The following BANK1 variants were observed in gnomAD, a reference collection of about 807,000 sequenced individuals.
BANK1 encodes the protein B cell scaffold protein with ankyrin repeats 1.
A neutral mutation model predicts 94.5 loss-of-function variants in BANK1; 95 were observed. That is an observed-to-expected ratio of 1.00 (90% CI 0.85 to 1.19). The LOEUF (loss-of-function observed/expected upper bound fraction) is 1.19, where lower values mean the gene tolerates loss of function less well. Among genes scored for constraint, BANK1 ranks in the 50% most tolerant of loss-of-function variants. The pLI, the probability that BANK1 is intolerant of heterozygous loss-of-function variation, is 0.00. For synonymous variants in BANK1, 334 were observed against 308.4 expected, an observed-to-expected ratio of 1.08 and a Z score of -0.87; for missense variants, 987 against 932.2, an observed-to-expected ratio of 1.06 and a Z score of -0.77.
At chr4:101,791,565 A>T (rs1282963070) in intron 1 of BANK1, among the ~76,000 whole-genome samples, 1 of 152,208 alleles carries the variant, frequency 6.6e-6, no homozygotes, top group East Asian at 1.9e-4. Flanking sequence ...AGGCAGTTTT[A>T]TTTAGTTCTT....
chr4:102,044,946 G>A (rs1727829464), intron 11 of BANK1, among the ~76,000 whole-genome samples: 1 of 140,500 alleles, frequency 7.1e-6, no homozygotes, highest in Non-Finnish European at 1.5e-5. Context: ...TTTGTCAGAT[G>A]AGTAGGTTGC....
chr4:101,884,624 C>A (rs950303435), intron 5 of BANK1, among the ~76,000 whole-genome samples: 1 of 152,146 alleles, frequency 6.6e-6, no homozygotes, highest in Admixed American at 6.5e-5. Flanking sequence ...TCAGGAAATG[C>A]ATCTTCATCA....
intron 2 of BANK1, among the ~76,000 whole-genome samples, chr4:101,846,240 C>A (rs1356172844): frequency 2.0e-5 from 3 of 152,204 alleles, no homozygotes; most frequent in African/African-American, 7.2e-5. Flanking sequence ...GAATACTATG[C>A]AGCCATACAA....
intron 5 of BANK1, among the ~76,000 whole-genome samples, chr4:101,882,955 C>G (rs1728732349): frequency 6.6e-6 from 1 of 152,100 alleles, no homozygotes; most frequent in African/African-American, 2.4e-5. Context: ...TTCCATATTC[C>G]TGATGGAAGG....
At chr4:101,985,281 G>C (rs1050188997) in intron 7 of BANK1, among the ~76,000 whole-genome samples, 13 of 152,114 alleles carry the variant, frequency 8.5e-5, no homozygotes, top group Admixed American at 1.3e-4. Flanking sequence ...CAACAGATTG[G>C]ATGTGGTTCA....
rs1027094634 is a variant in BANK1, at chr4:101,989,871, A to G, written c.1207-31643A>G. 3.9e-5 allele frequency among the ~76,000 whole-genome samples: 6 copies of G among 152,174 alleles called. No individual in the cohort carries two copies. The South Asian group carries it at 8.3e-4, about 21-fold the overall frequency. On this transcript the variant is annotated intron_variant, in intron 7 of 16. Coordinates refer to ENST00000322953, the MANE Select transcript of BANK1 (RefSeq NM_017935.5). ...GTTGATGTGAACTTTGATCACTAAA[A>G]CAACACACTGTCTTCTAGATTTCTC...
intron 7 of BANK1, among the ~76,000 whole-genome samples, chr4:101,980,291 G>A (rs1320573760): frequency 6.6e-6 from 1 of 151,678 alleles, no homozygotes; most frequent in Admixed American, 6.6e-5. Flanking sequence ...TATCCATTTT[G>A]AATTTATCTT....
At chr4:101,997,280 C>T (rs1346420278) in intron 7 of BANK1, among the ~76,000 whole-genome samples, 5 of 152,084 alleles carry the variant, frequency 3.3e-5, no homozygotes, top group African/African-American at 4.8e-5. Flanking sequence ...GTGACGAAGC[C>T]GACTTGTTCG....
chr4:101,881,608 C>T (rs535664767), intron 5 of BANK1, among the ~76,000 whole-genome samples: 16 of 152,126 alleles, frequency 1.1e-4, no homozygotes, highest in South Asian at 4.1e-4. Flanking sequence ...AAAGAGATAT[C>T]TGCACTCCCA....
chr4:101,937,710 G>A (rs1280189665), intron 7 of BANK1, among the ~76,000 whole-genome samples: 1 of 151,708 alleles, frequency 6.6e-6, no homozygotes, highest in Non-Finnish European at 1.5e-5. Flanking sequence ...GACCAGAAAT[G>A]CCATTTGACC....
intron 7 of BANK1, among the ~76,000 whole-genome samples, chr4:101,921,539 C>G (rs1445446180): frequency 1.3e-5 from 2 of 151,874 alleles, no homozygotes; most frequent in African/African-American, 2.4e-5. Context: ...TTTAAGCAAA[C>G]AGATATAAAT....
chr4:101,970,863 C>T (rs978166965), intron 7 of BANK1, among the ~76,000 whole-genome samples: 8 of 152,040 alleles, frequency 5.3e-5, no homozygotes, highest in African/African-American at 1.9e-4. Flanking sequence ...ACATGATTTC[C>T]TTAGGATTTC....
At chr4:102,052,113 CTTTTTTTTTTT>C (rs199811166) in intron 11 of BANK1, among the ~76,000 whole-genome samples, 15 of 103,992 alleles carry the variant, frequency 1.4e-4, no homozygotes, top group Admixed American at 7.6e-4. Flanking sequence ...TTCTTTTTTT[CTTTTTTTTTTT>C]TTTTTTTTTT....
At chr4:101,902,631 G>T (rs577709945) in intron 6 of BANK1, among the ~76,000 whole-genome samples, 17 of 152,164 alleles carry the variant, frequency 1.1e-4, no homozygotes, top group Non-Finnish European at 2.2e-4. Flanking sequence ...TTTTATAATT[G>T]TCCATTTATA....
chr4:101,990,869 C>T (rs948754786), intron 7 of BANK1, among the ~76,000 whole-genome samples: 4 of 152,112 alleles, frequency 2.6e-5, no homozygotes, highest in South Asian at 4.2e-4. Flanking sequence ...GTATTTAACT[C>T]ATACCGTTTT....
At position 102,069,543 on chromosome 4, in the gene BANK1, T is replaced by G. The variant is rs554307837; in HGVS notation, c.2213-1732T>G. Among the ~76,000 whole-genome samples the G allele has an allele frequency of 2.6e-5, 4 of 152,344 alleles. No homozygotes were observed. The East Asian group carries it at 7.7e-4, about 29-fold the overall frequency. On this transcript the variant is annotated intron_variant, in intron 13 of 16. Coordinates refer to ENST00000322953, the MANE Select transcript of BANK1 (RefSeq NM_017935.5). Reference sequence around the variant, plus strand: ...GGAATATAAAGTGGAGTGATAACTGTGGAGAAGTCAAATATGCACTTACCA... The same window carrying G: ...GGAATATAAAGTGGAGTGATAACTGGGGAGAAGTCAAATATGCACTTACCA...
In BANK1 at chr4:101,950,058, T is replaced by TGC. The variant is rs1331973850; in HGVS notation, c.1206+31870_1206+31871insCG. On this transcript the variant is annotated intron_variant, in intron 7 of 16. Coordinates refer to ENST00000322953, the MANE Select transcript of BANK1 (RefSeq NM_017935.5). ...GTGTGTGTGTGTGTGTGTGTGTGTGTGTGCGCGTGCGCGCGCATGTGCCTA... is the reference window on the plus strand; with the variant it reads ...GTGTGTGTGTGTGTGTGTGTGTGTGTGCGTGCGCGTGCGCGCGCATGTGCCTA... Among the ~76,000 whole-genome samples, 70 of 137,062 alleles carry TGC rather than the reference T, an allele frequency of 5.1e-4. 1 individual carries two copies. In the East Asian group the frequency reaches 6.4e-3, roughly 13 times the overall value. 89.9% of individuals were successfully genotyped at this position (137,062 alleles called of 152,430 possible). A position where few individuals can be genotyped will look rare whatever the true frequency, so the allele number is the denominator to read the frequency against.
At chr4:101,961,067 C>T (rs1379262239) in intron 7 of BANK1, among the ~76,000 whole-genome samples, 1 of 152,160 alleles carries the variant, frequency 6.6e-6, no homozygotes, top group East Asian at 1.9e-4. Flanking sequence ...TCTAAAATCT[C>T]CTTTCCCAGT....
intron 13 of BANK1, among the ~76,000 whole-genome samples, chr4:102,069,223 A>G (rs1181739280): frequency 2.0e-5 from 3 of 152,216 alleles, no homozygotes; most frequent in African/African-American, 7.2e-5. Flanking sequence ...AGAGAGATAA[A>G]TATGGAAATA....
Sources: allele counts gnomAD v4.1 joint callset (sites outside exome capture counted in the v4.1 genomes callset), GRCh38; gene constraint gnomAD v4.1.1; transcripts MANE v1.5; gene names NCBI Gene and HGNC (gene_info 2026-07-23, HGNC 2026-07-21).